LSAMP: variants seen among roughly 807,000 people sequenced by gnomAD.
The protein encoded by LSAMP is limbic system-associated membrane protein.
In LSAMP, 7 loss-of-function variants were observed where a neutral mutation model predicts 38.6. The ratio of observed to expected loss-of-function variants is 0.18; its 90% CI spans 0.10 to 0.34. The LOEUF (loss-of-function observed/expected upper bound fraction) is 0.34. Among genes scored for constraint, LSAMP ranks in the 10% least tolerant of loss-of-function variants. The probability of loss-of-function intolerance (pLI) is 1.00; values close to 1 mark genes in which losing one functional copy is unlikely to be tolerated. For synonymous variants in LSAMP, 154 were observed against 166.8 expected (o/e 0.92, Z 0.59); for missense variants, 313 against 420.0 (o/e 0.75, Z 2.23).
At chr3:116,021,253 A>G (rs1027132821) in intron 2 of LSAMP, among the ~76,000 whole-genome samples, 2 of 152,038 alleles carry the variant, frequency 1.3e-5, no homozygotes, top group Non-Finnish European at 2.9e-5. Flanking sequence ...ATATTCACAC[A>G]CTGTCTTGCA....
chr3:115,989,737 T>C (rs1273180193), intron 3 of LSAMP, among the ~76,000 whole-genome samples: 1 of 152,114 alleles, frequency 6.6e-6, no homozygotes, highest in African/African-American at 2.4e-5. Context: ...TCCGGAATTA[T>C]TGTCCTCAAT....
intron 1 of LSAMP, among the ~76,000 whole-genome samples, chr3:116,430,510 C>T (rs562465951): frequency 1.8e-4 from 27 of 151,954 alleles, no homozygotes; most frequent in African/African-American, 6.5e-4. Context: ...TACTTAAATA[C>T]TAAAATAGAT....
intron 3 of LSAMP, among the ~76,000 whole-genome samples, chr3:115,984,152 CAAAT>C (rs1160785217): frequency 6.6e-6 from 1 of 151,650 alleles, no homozygotes; most frequent in Admixed American, 6.6e-5. Context: ...GTATGGGGAG[CAAAT>C]AAATAGGAAG....
At chr3:115,944,802 C>T (rs1259328402) in intron 3 of LSAMP, among the ~76,000 whole-genome samples, 2 of 152,164 alleles carry the variant, frequency 1.3e-5, no homozygotes, top group Non-Finnish European at 2.9e-5. Flanking sequence ...ACACCATAGC[C>T]AGAGATCTTT....
intron 1 of LSAMP, among the ~76,000 whole-genome samples, chr3:116,273,683 C>CAGAGATATAT (rs150705226): frequency 4.2e-4 from 21 of 50,500 alleles, no homozygotes; most frequent in Non-Finnish European, 6.4e-4. Flanking sequence ...GAGAAAGAGG[C>CAGAGATATAT]ATATATATAT....
intron 1 of LSAMP, among the ~76,000 whole-genome samples, chr3:116,130,645 T>C (rs2107501236): frequency 1.3e-5 from 2 of 152,298 alleles, no homozygotes; most frequent in South Asian, 4.1e-4. Flanking sequence ...AATAATCTAT[T>C]CTTATTCTTA....
chr3:115,859,150 C>A (rs1291340020), intron 3 of LSAMP, among the ~76,000 whole-genome samples: 1 of 152,086 alleles, frequency 6.6e-6, no homozygotes, highest in Non-Finnish European at 1.5e-5. Context: ...CCTGAGAGAC[C>A]CCTTAGTGTT....
chr3:116,173,645 T>C (rs1432016902), intron 1 of LSAMP, among the ~76,000 whole-genome samples: 1 of 152,036 alleles, frequency 6.6e-6, no homozygotes, highest in Non-Finnish European at 1.5e-5. Context: ...ATTAAATATT[T>C]TGAAACCCCA....
At chr3:116,435,797 G>T (rs896016372) in intron 1 of LSAMP, among the ~76,000 whole-genome samples, 5 of 152,142 alleles carry the variant, frequency 3.3e-5, no homozygotes, top group Non-Finnish European at 7.4e-5. Flanking sequence ...GGTGTTCAAA[G>T]AATATCTACA....
chr3:116,171,353 A>G (rs75752643), intron 1 of LSAMP, among the ~76,000 whole-genome samples: 2,061 of 152,280 alleles, frequency 0.014, 33 homozygotes, highest in African/African-American at 0.04. Flanking sequence ...TCATTGAATC[A>G]TGCAGGAATA....
At chr3:115,894,765 C>G (rs1936687282) in intron 3 of LSAMP, among the ~76,000 whole-genome samples, 1 of 152,040 alleles carries the variant, frequency 6.6e-6, no homozygotes, top group Admixed American at 6.6e-5. Flanking sequence ...TGCTTAAAAG[C>G]AGAACAACAC....
At position 115,902,064 on chromosome 3, in the gene LSAMP, A is replaced by C. The variant is rs567609032; in HGVS notation, c.515-49447T>G. On this transcript the variant is annotated intron_variant, in intron 3 of 6. Coordinates refer to ENST00000490035, the MANE Select transcript of LSAMP (RefSeq NM_002338.5). ...ATCACAATAAAGTAAGAGGAACAATAATAAAAACATACAAATCAACTCTTG... is the reference window on the plus strand; with the variant it reads ...ATCACAATAAAGTAAGAGGAACAATCATAAAAACATACAAATCAACTCTTG... Among the ~76,000 whole-genome samples the C allele has an allele frequency of 5.3e-5, 8 of 152,270 alleles. No homozygotes were observed. The South Asian group carries it at 1.2e-3, about 24-fold the overall frequency.
At chr3:116,199,303 T>C (rs1203098323) in intron 1 of LSAMP, among the ~76,000 whole-genome samples, 3 of 152,186 alleles carry the variant, frequency 2.0e-5, no homozygotes, top group Non-Finnish European at 4.4e-5. Context: ...CTCAGTTCAG[T>C]TAACATTCCT....
intron 1 of LSAMP, among the ~76,000 whole-genome samples, chr3:116,435,858 C>G (rs1000343678): frequency 6.6e-6 from 1 of 152,096 alleles, no homozygotes; most frequent in Non-Finnish European, 1.5e-5. Context: ...GAAACTTAAC[C>G]AGGCAGAAGT....
intron 1 of LSAMP, among the ~76,000 whole-genome samples, chr3:116,120,291 C>T (rs72959773): frequency 0.053 from 8,111 of 152,040 alleles, 720 homozygotes; most frequent in African/African-American, 0.18. Flanking sequence ...TAATTTACGG[C>T]GTAAGACATA....
chr3:116,001,152 T>C (rs1051314547), intron 3 of LSAMP, among the ~76,000 whole-genome samples: 45 of 152,152 alleles, frequency 3.0e-4, no homozygotes, highest in Non-Finnish European at 5.0e-4. Flanking sequence ...GCAGTGCAAG[T>C]TCCTAAAGTG....
chr3:115,847,491 G>T (rs1341135413), intron 4 of LSAMP, among the ~76,000 whole-genome samples: 1 of 151,928 alleles, frequency 6.6e-6, no homozygotes, highest in Non-Finnish European at 1.5e-5. Context: ...CAATTTGGTT[G>T]GTGATATGGT....
Position 116,164,722 on chromosome 3 carries a change from T to TAA in LSAMP, c.156-78168_156-78167dup, listed in dbSNP as rs1482997738. On this transcript the variant is annotated intron_variant, in intron 1 of 6. Coordinates refer to ENST00000490035, the MANE Select transcript of LSAMP (RefSeq NM_002338.5). ...TATATATAATCCAAATATATATATA[T>TAA]AATCCAAATATATATATATCCATAT... 3.2e-4 allele frequency among the ~76,000 whole-genome samples: 42 copies of TAA among 130,676 alleles called. 1 individual carries two copies. The highest frequency in any genetic ancestry group is 1.2e-3 in the African/African-American group (40 of 33,646). The allele number at this position is 130,676 out of a possible 152,430, so 85.7% of individuals were successfully genotyped here.
chr3:115,863,611 C>T (rs1935774436), intron 3 of LSAMP, among the ~76,000 whole-genome samples: 1 of 151,588 alleles, frequency 6.6e-6, no homozygotes, highest in Non-Finnish European at 1.5e-5. Flanking sequence ...TAAATGTTTA[C>T]ATAATGTTAA....
Sources: allele counts gnomAD v4.1 joint callset (sites outside exome capture counted in the v4.1 genomes callset), GRCh38; gene constraint gnomAD v4.1.1; transcripts MANE v1.5; gene names NCBI Gene and HGNC (gene_info 2026-07-23, HGNC 2026-07-21).